The following SANBR variants were observed in gnomAD, a reference collection of about 807,000 sequenced individuals.
The protein encoded by SANBR is SANT and BTB domain regulator of CSR, also known as SANT and BTB domain regulator of class switch recombination.
Under a neutral mutation model 101.8 loss-of-function variants are expected in SANBR, and 77 were observed. The observed-to-expected ratio is 0.76, with a 90% CI of 0.63 to 0.91. The LOEUF (loss-of-function observed/expected upper bound fraction) is 0.91. Ranked by LOEUF, SANBR falls within the 40% of genes least tolerant of loss-of-function variation. The pLI, the probability that SANBR is intolerant of heterozygous loss-of-function variation, is 0.00. For synonymous variants in SANBR, 279 were observed against 274.7 expected, an observed-to-expected ratio of 1.02 and a Z score of -0.15; for missense variants, 875 against 853.0, an observed-to-expected ratio of 1.03 and a Z score of -0.32.
In SANBR at chr2:61,118,090, C is replaced by T. The variant is rs755628859; in HGVS notation, c.2002C>T (p.Arg668Ter). 22 of 1,613,124 alleles carry T rather than the reference C, an allele frequency of 1.4e-5. No homozygotes were observed. The highest frequency in any genetic ancestry group is 3.3e-5 in the Admixed American group (2 of 59,938). ...LIKMRLGDLD[R>*]VKSKEAKEFA... ...AAAAATGAGATTGGGGGATCTGGACCGAGTCAAGTCAAAGGAAGCAAAAGA... is the reference window on the plus strand; with the variant it reads ...AAAAATGAGATTGGGGGATCTGGACTGAGTCAAGTCAAAGGAAGCAAAAGA... The change falls in exon 20 of 22, where the codon CGA (arginine) becomes TGA (stop). Residue 668 changes from arginine (R) to a stop codon, truncating the protein, a stop_gained. Transcript: ENST00000402291. LOFTEE classifies it high-confidence loss of function.
Position 61,122,433 on chromosome 2 carries a change from C to T in SANBR, c.*271C>T, listed in dbSNP as rs944469752. The T allele has an allele frequency of 8.7e-7, 1 of 1,151,434 alleles. No homozygotes were observed. The highest frequency in any genetic ancestry group is 1.1e-6 in the Non-Finnish European group (1 of 937,678). 71.3% of individuals were successfully genotyped at this position (1,151,434 alleles called of 1,614,324 possible). ...TTACAAATTTGCATAGTTGAGACTC[C>T]CAGTGTTTTCCTTTATTTATTTGAA... On this transcript the variant is annotated 3_prime_UTR_variant, in exon 22 of 22. Coordinates refer to ENST00000402291, the MANE Select transcript of SANBR (RefSeq NM_001129993.3).
chr2:61,077,429 A>G (rs1324238656), intron 6 of SANBR, among the ~76,000 whole-genome samples: 1 of 152,210 alleles, frequency 6.6e-6, no homozygotes, highest in African/African-American at 2.4e-5. Flanking sequence ...CTACAAGGTC[A>G]AAACAGTTTG....
chr2:61,084,597 G>C (rs1682323302), intron 8 of SANBR, among the ~76,000 whole-genome samples: 1 of 151,996 alleles, frequency 6.6e-6, no homozygotes, highest in Admixed American at 6.6e-5. Context: ...TTAGATAAAG[G>C]GAAAAGTGGT....
At chr2:61,078,353 G>C (rs1357908624) in intron 6 of SANBR, among the ~76,000 whole-genome samples, 1 of 152,108 alleles carries the variant, frequency 6.6e-6, no homozygotes, top group Non-Finnish European at 1.5e-5. Context: ...AAACAGATAT[G>C]GGAATCCAGT....
chr2:61,081,631 A>T, intron 7 of SANBR, 121 bp downstream of exon 7: 2 of 1,091,218 alleles, frequency 1.8e-6, no homozygotes, highest in Non-Finnish European at 2.5e-6. Flanking sequence ...AACAATTTAA[A>T]AAATTGTTAA....
rs774972538 is a variant in SANBR, at chr2:61,070,502, T to TA, written c.150+5dup. 5.0e-6 allele frequency: 8 copies of TA among 1,604,338 alleles called. No individual in the cohort carries two copies. The African/African-American group carries it at 1.1e-4, about 22-fold the overall frequency. On this transcript the variant is annotated splice_region_variant and intron_variant, in intron 3 of 21. Transcript: ENST00000402291. ...GTGCCTGGATTAACACCAAAAGAGG[T>TA]AAATAACAGTCCCCCCAGAATATCT...
At chr2:61,119,757 A>C (rs142635420) in intron 20 of SANBR, among the ~76,000 whole-genome samples, 3 of 152,254 alleles carry the variant, frequency 2.0e-5, no homozygotes, top group East Asian at 3.9e-4. Flanking sequence ...CACGAGTTTG[A>C]GACCAGCCTG....
At chr2:61,100,121 G>A (rs1683214303) in intron 12 of SANBR, among the ~76,000 whole-genome samples, 1 of 152,110 alleles carries the variant, frequency 6.6e-6, no homozygotes, top group Non-Finnish European at 1.5e-5. Context: ...TCGTTTGTTT[G>A]TTTGAGAAGG....
chr2:61,079,805 G>A (rs1681996826), intron 6 of SANBR, among the ~76,000 whole-genome samples: 1 of 151,562 alleles, frequency 6.6e-6, no homozygotes, highest in Non-Finnish European at 1.5e-5. Context: ...GGAGGCTGAG[G>A]AGGAGAATCT....
At chr2:61,134,200 A>T in exon 21 of SANBR, 2 of 1,612,792 alleles carry the variant, frequency 1.2e-6, no homozygotes, top group South Asian at 1.1e-5. Flanking sequence ...TGGTTTGAGC[A>T]GTGTGCTCTT....
At chr2:61,097,579 G>A in intron 11 of SANBR, 121 bp from the exon 12 acceptor site, 1 of 717,380 alleles carries the variant, frequency 1.4e-6, no homozygotes, top group Non-Finnish European at 2.3e-6. Flanking sequence ...TGTCTGTATA[G>A]ATTGGCTTTT....
chr2:61,077,199 G>T, intron 6 of SANBR, 41 bp downstream of exon 6: 1 of 1,398,872 alleles, frequency 7.1e-7, no homozygotes, highest in Non-Finnish European at 1.0e-6. Flanking sequence ...TGAAATTTGT[G>T]TGTCACCTGG....
intron 20 of SANBR, among the ~76,000 whole-genome samples, chr2:61,129,372 A>G (rs1424059649): frequency 6.6e-6 from 1 of 151,806 alleles, no homozygotes; most frequent in Non-Finnish European, 1.5e-5. Context: ...TGAACCTGGA[A>G]GGCAGAGGTT....
At chr2:61,086,754 T>G (rs1341838893) in intron 8 of SANBR, among the ~76,000 whole-genome samples, 1 of 152,122 alleles carries the variant, frequency 6.6e-6, no homozygotes, top group African/African-American at 2.4e-5. Context: ...TTTTGTTTTT[T>G]TAGGAAGGGA....
downstream of SANBR, among the ~76,000 whole-genome samples, chr2:61,128,331 T>A (rs1684577174): frequency 6.6e-6 from 1 of 150,526 alleles, no homozygotes; most frequent in Admixed American, 6.6e-5. Flanking sequence ...AACAGCTGAC[T>A]TCTCATCAGA....
chr2:61,134,373 C>T (rs1425868021), intron 21 of SANBR: 22 of 1,201,386 alleles, frequency 1.8e-5, no homozygotes, highest in East Asian at 1.0e-4. Context: ...GCTTGGCTCA[C>T]GTTATTCCCC....
intron 2 of SANBR, among the ~76,000 whole-genome samples, chr2:61,070,018 A>T (rs1399272999): frequency 2.0e-5 from 3 of 152,204 alleles, no homozygotes; most frequent in Admixed American, 2.0e-4. Context: ...GTGATCTTGT[A>T]AAAATTACTT....
intron 10 of SANBR, chr2:61,090,296 T>G (rs1014150126): frequency 7.2e-5 from 11 of 152,380 alleles, no homozygotes; most frequent in African/African-American, 2.4e-4. Context: ...TATTACAAAT[T>G]TATAGCACAC....
At chr2:61,082,881 G>A (rs1377501312) in intron 7 of SANBR, among the ~76,000 whole-genome samples, 4 of 152,038 alleles carry the variant, frequency 2.6e-5, no homozygotes, top group African/African-American at 4.8e-5. Flanking sequence ...ATTTATACCT[G>A]CCACAATTTT....
Sources: gnomAD v4.1 joint callset for allele counts (sites outside exome capture counted in the v4.1 genomes callset) on GRCh38, gnomAD v4.1.1 for gene constraint, MANE v1.5 for transcripts, NCBI Gene and HGNC (gene_info 2026-07-23, HGNC 2026-07-21) for gene names.